Variants in CNTNAP5 observed in about 807,000 individuals in gnomAD.
CNTNAP5 encodes contactin associated protein family member 5, also known as contactin-associated protein-like 5.
CNTNAP5 carries 72 observed loss-of-function variants against 150.2 expected under a neutral mutation model. That is an observed-to-expected ratio of 0.48 (90% CI 0.40 to 0.58). The LOEUF (loss-of-function observed/expected upper bound fraction) is 0.58. CNTNAP5 is among the 20% of genes least tolerant of loss of function. CNTNAP5 has a pLI of 0.00. For synonymous variants in CNTNAP5, 672 were observed against 619.8 expected (o/e 1.08, Z -1.25); for missense variants, 1,636 against 1,626.2 (o/e 1.01, Z -0.10).
At chr2:124,321,794 A>G (rs955414267) in intron 3 of CNTNAP5, among the ~76,000 whole-genome samples, 6 of 152,348 alleles carry the variant, frequency 3.9e-5, no homozygotes, top group African/African-American at 1.4e-4. Context: ...TAAAAAAATT[A>G]GGAAGTTAAG....
chr2:124,584,119 C>T (rs531096811), intron 11 of CNTNAP5, among the ~76,000 whole-genome samples: 1 of 152,278 alleles, frequency 6.6e-6, no homozygotes, highest in African/African-American at 2.4e-5. Flanking sequence ...ACAGGTATAC[C>T]TCCAAACAGC....
chr2:124,912,605 G>A (rs369682065), intron 23 of CNTNAP5, among the ~76,000 whole-genome samples: 39 of 152,184 alleles, frequency 2.6e-4, no homozygotes, highest in African/African-American at 9.1e-4. Flanking sequence ...AGAGAAGCTG[G>A]ACCACCTTAA....
chr2:124,491,968 T>C (rs1409935978), intron 7 of CNTNAP5, among the ~76,000 whole-genome samples: 1 of 152,140 alleles, frequency 6.6e-6, no homozygotes, highest in Admixed American at 6.6e-5. Flanking sequence ...TTGTTTGTTT[T>C]GTTTTTTGCT....
intron 19 of CNTNAP5, among the ~76,000 whole-genome samples, chr2:124,828,264 G>A (rs314706): frequency 6.6e-6 from 1 of 151,874 alleles, no homozygotes; most frequent in Non-Finnish European, 1.5e-5. Flanking sequence ...GGCGGATCAC[G>A]AGGTCAGGAG....
chr2:124,599,898 C>T (rs1187720674), intron 11 of CNTNAP5, among the ~76,000 whole-genome samples: 1 of 151,710 alleles, frequency 6.6e-6, no homozygotes, highest in East Asian at 1.9e-4. Context: ...AATTTTGTGT[C>T]AGATTGAGGT....
chr2:124,770,236 C>A (rs1199278783), intron 16 of CNTNAP5, among the ~76,000 whole-genome samples: 1 of 152,094 alleles, frequency 6.6e-6, no homozygotes, highest in African/African-American at 2.4e-5. Flanking sequence ...GTGCTAGGTG[C>A]TGGGTATACG....
intron 10 of CNTNAP5, among the ~76,000 whole-genome samples, chr2:124,544,791 A>G (rs1295021787): frequency 1.3e-5 from 2 of 152,182 alleles, no homozygotes; most frequent in Admixed American, 6.5e-5. Context: ...GGACTGCACC[A>G]GAGGTTAAGT....
At chr2:124,158,322 C>T (rs1003570056) in intron 1 of CNTNAP5, among the ~76,000 whole-genome samples, 1 of 152,190 alleles carries the variant, frequency 6.6e-6, no homozygotes, top group Non-Finnish European at 1.5e-5. Context: ...GGACCACCCA[C>T]AGATACCAAA....
chr2:124,026,705 C>A (rs1160793540), intron 1 of CNTNAP5, among the ~76,000 whole-genome samples: 1 of 152,240 alleles, frequency 6.6e-6, no homozygotes, highest in African/African-American at 2.4e-5. Flanking sequence ...AGTTTCTGGG[C>A]TTGCTCCCAT....
intron 3 of CNTNAP5, among the ~76,000 whole-genome samples, chr2:124,264,734 C>G (rs76818673): frequency 0.026 from 3,934 of 152,258 alleles, 140 homozygotes; most frequent in African/African-American, 0.079. Flanking sequence ...GGTTTTGTGG[C>G]TTTGCTCGCA....
chr2:124,625,118 T>G (rs956221613), intron 12 of CNTNAP5, among the ~76,000 whole-genome samples: 2 of 152,150 alleles, frequency 1.3e-5, no homozygotes, highest in African/African-American at 4.8e-5. Flanking sequence ...AGAATTCCCC[T>G]CTGGCCTGCA....
At chr2:124,587,847 T>A (rs1696572006) in intron 11 of CNTNAP5, among the ~76,000 whole-genome samples, 1 of 152,084 alleles carries the variant, frequency 6.6e-6, no homozygotes, top group African/African-American at 2.4e-5. Flanking sequence ...AGTTACATGA[T>A]GACTATTTCC....
chr2:124,227,938 A>T (rs971031961), intron 2 of CNTNAP5, among the ~76,000 whole-genome samples: 3 of 152,006 alleles, frequency 2.0e-5, no homozygotes, highest in Non-Finnish European at 4.4e-5. Flanking sequence ...ATATACACGC[A>T]CACACACACA....
At chr2:124,121,357 T>C (rs1251449211) in intron 1 of CNTNAP5, among the ~76,000 whole-genome samples, 1 of 152,196 alleles carries the variant, frequency 6.6e-6, no homozygotes, top group Admixed American at 6.5e-5. Context: ...AGCTGCTCTG[T>C]GGCACACACG....
intron 3 of CNTNAP5, among the ~76,000 whole-genome samples, chr2:124,373,757 C>G (rs778114209): frequency 2.0e-5 from 3 of 151,756 alleles, no homozygotes; most frequent in Non-Finnish European, 2.9e-5. Flanking sequence ...TAAATGTACA[C>G]AAAAATTTCT....
chr2:124,030,470 T>C (rs914922827), intron 1 of CNTNAP5, among the ~76,000 whole-genome samples: 2 of 152,146 alleles, frequency 1.3e-5, no homozygotes, highest in African/African-American at 4.8e-5. Context: ...ATTTATCTAT[T>C]ATCAAACACC....
At chr2:124,151,032 G>A (rs1357797874) in intron 1 of CNTNAP5, among the ~76,000 whole-genome samples, 5 of 152,160 alleles carry the variant, frequency 3.3e-5, no homozygotes, top group Non-Finnish European at 7.3e-5. Flanking sequence ...ACAGGGACAC[G>A]GTATGCTGGA....
chr2:124,793,752 A>C (rs973301850), intron 18 of CNTNAP5, among the ~76,000 whole-genome samples: 1 of 152,098 alleles, frequency 6.6e-6, no homozygotes, highest in Non-Finnish European at 1.5e-5. Flanking sequence ...CCTTGTCTCA[A>C]CACCATTTGT....
chr2:124,539,578 A>G (rs1157821917), intron 10 of CNTNAP5, among the ~76,000 whole-genome samples: 1 of 152,194 alleles, frequency 6.6e-6, no homozygotes, highest in Non-Finnish European at 1.5e-5. Context: ...CCTAGTTGTC[A>G]AATGTAGATA....
Sources: gnomAD v4.1 joint callset for allele counts (sites outside exome capture counted in the v4.1 genomes callset) on GRCh38, gnomAD v4.1.1 for gene constraint, MANE v1.5 for transcripts, NCBI Gene and HGNC (gene_info 2026-07-23, HGNC 2026-07-21) for gene names.